The following TAOK3 variants were observed in gnomAD, a reference collection of about 807,000 sequenced individuals.
TAOK3 encodes the protein serine/threonine-protein kinase TAO3.
A neutral mutation model predicts 120.4 loss-of-function variants in TAOK3; 40 were observed. That is an observed-to-expected ratio of 0.33 (90% CI 0.26 to 0.43). The LOEUF (loss-of-function observed/expected upper bound fraction) is 0.43. Among genes scored for constraint, TAOK3 ranks in the 20% least tolerant of loss-of-function variants. The pLI, the probability that TAOK3 is intolerant of heterozygous loss-of-function variation, is 1.00. For missense variants in TAOK3, 821 were observed against 1,112.1 expected (o/e 0.74, Z 3.72); for synonymous variants, 355 against 387.5 (o/e 0.92, Z 0.99).
At chr12:118,316,708 G>C (rs1292621299) in intron 1 of TAOK3, among the ~76,000 whole-genome samples, 1 of 152,012 alleles carries the variant, frequency 6.6e-6, no homozygotes, top group Non-Finnish European at 1.5e-5. Flanking sequence ...AGCCATCGTG[G>C]CTGGCCAATG....
intron 1 of TAOK3, among the ~76,000 whole-genome samples, chr12:118,267,884 CAAA>C (rs60331520): frequency 0.035 from 2,721 of 78,762 alleles, 72 homozygotes; most frequent in African/African-American, 0.13. Context: ...GACTCCATCT[CAAA>C]AAAAAAAAAA....
chr12:118,178,633 T>G (rs760551155), intron 15 of TAOK3, among the ~76,000 whole-genome samples: 1 of 152,132 alleles, frequency 6.6e-6, no homozygotes, highest in Non-Finnish European at 1.5e-5. Flanking sequence ...AATTTTTGTA[T>G]TTTTAGTAGA....
At chr12:118,360,562 C>T (rs1215804604) in intron 1 of TAOK3, among the ~76,000 whole-genome samples, 5 of 116,900 alleles carry the variant, frequency 4.3e-5, no homozygotes, top group African/African-American at 9.8e-5. Context: ...AGCGAGACTC[C>T]GTCTCAAAAA....
chr12:118,196,120 C>T (rs1448341057), intron 13 of TAOK3, among the ~76,000 whole-genome samples: 1 of 151,418 alleles, frequency 6.6e-6, no homozygotes, highest in African/African-American at 2.4e-5. Context: ...TTAGGATCCC[C>T]TCAGGGCCTG....
At chr12:118,300,434 CTGTT>C (rs757293805) in intron 1 of TAOK3, among the ~76,000 whole-genome samples, 69 of 152,268 alleles carry the variant, frequency 4.5e-4, no homozygotes, top group Admixed American at 1.5e-3. Context: ...CTGACAGACT[CTGTT>C]TGTGTGGGAG....
intron 9 of TAOK3, among the ~76,000 whole-genome samples, chr12:118,224,003 G>A (rs1295217407): frequency 6.6e-6 from 1 of 152,112 alleles, no homozygotes; most frequent in South Asian, 2.1e-4. Context: ...CAAAATAATC[G>A]CTACCATTTA....
intron 1 of TAOK3, among the ~76,000 whole-genome samples, chr12:118,310,460 T>C (rs971255349): frequency 6.6e-5 from 10 of 152,174 alleles, no homozygotes; most frequent in African/African-American, 1.7e-4. Context: ...TCATAAAAGG[T>C]TCCATTTAAA....
intron 1 of TAOK3, among the ~76,000 whole-genome samples, chr12:118,290,882 T>C (rs1352115703): frequency 1.3e-5 from 2 of 151,918 alleles, no homozygotes; most frequent in Non-Finnish European, 2.9e-5. Context: ...TCAAAAGTAT[T>C]AGGGCGTTTA....
intron 1 of TAOK3, among the ~76,000 whole-genome samples, chr12:118,351,687 T>C (rs1370269059): frequency 6.6e-6 from 1 of 152,094 alleles, no homozygotes; most frequent in Non-Finnish European, 1.5e-5. Context: ...TTTAAGCGTC[T>C]GAATATATAC....
In TAOK3 at chr12:118,231,900, G is replaced by A. The variant is rs546348259; in HGVS notation, c.643+1774C>T. Among the ~76,000 whole-genome samples, 366 of 149,384 alleles carry A rather than the reference G, an allele frequency of 2.5e-3. 2 individuals are homozygous for A. Among genetic ancestry groups the A allele is most frequent in the Admixed American group, 6.8e-3 (102 of 14,930 alleles). ...ATTGCACTGCTGCAATGCAGCCTGG[G>A]TAACAGAGCAAGATTGTGTCTCAAA... is the stretch of plus-strand genomic sequence containing the variant. On this transcript the variant is annotated intron_variant, in intron 9 of 20. Coordinates refer to ENST00000392533, the MANE Select transcript of TAOK3 (RefSeq NM_016281.4).
At chr12:118,345,337 A>G (rs893389715) in intron 1 of TAOK3, among the ~76,000 whole-genome samples, 3 of 152,240 alleles carry the variant, frequency 2.0e-5, no homozygotes, top group Non-Finnish European at 2.9e-5. Flanking sequence ...CTTTGGACAA[A>G]TTCAACATTT....
At chr12:118,272,539 A>G (rs1432969317) in intron 1 of TAOK3, among the ~76,000 whole-genome samples, 1 of 148,638 alleles carries the variant, frequency 6.7e-6, no homozygotes, top group East Asian at 1.9e-4. Context: ...AATAAAGTAA[A>G]TAAGAATTAG....
At chr12:118,212,631 G>C (rs1448931937) in intron 11 of TAOK3, among the ~76,000 whole-genome samples, 1 of 152,106 alleles carries the variant, frequency 6.6e-6, no homozygotes, top group East Asian at 1.9e-4. Flanking sequence ...ATGATGACTA[G>C]AGCAAGGAGG....
Position 118,233,662 on chromosome 12 carries a change from C to T in TAOK3, c.643+12G>A, listed in dbSNP as rs377013476. ...TAAAAAATACAATGAAAACAAATAA[C>T]TCTTTACTCACCCAATTCAATACAA... On this transcript the variant is annotated intron_variant, in intron 9 of 20. Transcript: ENST00000392533. 5.1e-6 allele frequency: 8 copies of T among 1,569,250 alleles called. No individual in the cohort carries two copies. The highest frequency in any genetic ancestry group is 7.0e-6 in the Non-Finnish European group (8 of 1,141,944).
At chr12:118,275,784 A>C (rs2041881205) in intron 1 of TAOK3, among the ~76,000 whole-genome samples, 2 of 152,190 alleles carry the variant, frequency 1.3e-5, no homozygotes, top group Admixed American at 1.3e-4. Flanking sequence ...GTATTAATAA[A>C]TATAAAGAGA....
At chr12:118,293,596 C>A (rs915662706) in intron 1 of TAOK3, among the ~76,000 whole-genome samples, 1 of 151,448 alleles carries the variant, frequency 6.6e-6, no homozygotes, top group Non-Finnish European at 1.5e-5. Flanking sequence ...ATCCCTTGAA[C>A]CCGGGAGGCA....
At chr12:118,322,043 G>A (rs7139188) in intron 1 of TAOK3, among the ~76,000 whole-genome samples, 2,016 of 152,160 alleles carry the variant, frequency 0.013, 43 homozygotes, top group African/African-American at 0.045. Flanking sequence ...GGGCCGGTGC[G>A]GTGGCTCATG....
rs757041288 is a variant in TAOK3 at position 118,238,058 on chromosome 12, G to C, written c.437+15C>G. 4.0e-6 allele frequency: 6 copies of C among 1,507,296 alleles called. No homozygotes were observed. In the Admixed American group the frequency reaches 5.3e-5, roughly 13 times the overall value. 93.4% of individuals were successfully genotyped at this position (1,507,296 alleles called of 1,614,324 possible). A position where few individuals can be genotyped will look rare whatever the true frequency, so the allele number is the denominator to read the frequency against. On this transcript the variant is annotated intron_variant, in intron 7 of 20. Transcript: ENST00000392533. ...CCTGCAACTGAAAAGAAACATAACTGGTCTCTAATCTTACCTATGAATCAA... is the reference window on the plus strand; with the variant it reads ...CCTGCAACTGAAAAGAAACATAACTCGTCTCTAATCTTACCTATGAATCAA...
chr12:118,350,583 G>C (rs112289581), intron 1 of TAOK3, among the ~76,000 whole-genome samples: 1 of 152,114 alleles, frequency 6.6e-6, no homozygotes, highest in Non-Finnish European at 1.5e-5. Context: ...TTGAGGCCAG[G>C]CATGGTGACT....
Sources: allele counts gnomAD v4.1 joint callset (sites outside exome capture counted in the v4.1 genomes callset), GRCh38; gene constraint gnomAD v4.1.1; transcripts MANE v1.5; gene names NCBI Gene and HGNC (gene_info 2026-07-23, HGNC 2026-07-21).